CELF5: variants seen among roughly 807,000 people sequenced by gnomAD.
The protein encoded by CELF5 is CUGBP Elav-like family member 5, also known as CUG-BP and ETR-3 like factor 5.
CELF5 carries 6 observed loss-of-function variants against 54.9 expected under a neutral mutation model. That is an observed-to-expected ratio of 0.11 (90% CI 0.06 to 0.22). The LOEUF is 0.22. CELF5 is among the 10% of genes least tolerant of loss of function. The pLI is 1.00. For synonymous variants in CELF5, 271 were observed against 290.9 expected (o/e 0.93, Z 0.70); for missense variants, 401 against 678.6 (o/e 0.59, Z 4.54).
In CELF5 at chr19:3,271,505, G is replaced by T. The variant is rs1048290392; in HGVS notation, c.343-2367G>T. Among the ~76,000 whole-genome samples, 5 of 152,220 alleles carry T rather than the reference G, an allele frequency of 3.3e-5. No homozygotes were observed. In the South Asian group the frequency reaches 8.3e-4, roughly 25 times the overall value. ...GGCGGCAGGAAGGTTGGGCTGGGAG[G>T]ATTGGGGGCACAGGATCAGGGAGGC... On this transcript the variant is annotated intron_variant, in intron 2 of 12. Coordinates refer to ENST00000292672, the MANE Select transcript of CELF5 (RefSeq NM_021938.4).
At chr19:3,269,876 T>G (rs2079933867) in intron 2 of CELF5, among the ~76,000 whole-genome samples, 1 of 152,028 alleles carries the variant, frequency 6.6e-6, no homozygotes, top group Admixed American at 6.6e-5. Flanking sequence ...CGATCCTCCC[T>G]CCTTGGCCTC....
chr19:3,248,842 TTTTC>T (rs202104584), intron 1 of CELF5, among the ~76,000 whole-genome samples: 3,430 of 145,606 alleles, frequency 0.024, 62 homozygotes, highest in Non-Finnish European at 0.027. Context: ...CTACAAACTT[TTTTC>T]TTTCTTTCTT....
rs755748843 is a variant in CELF5, at chr19:3,275,962, G to A, written c.501G>A (p.Arg167=). Residue 167 remains arginine, a synonymous_variant, in exon 4 of 13, where the codon CGG becomes CGA. Coordinates refer to ENST00000292672, the MANE Select transcript of CELF5 (RefSeq NM_021938.4). This position sits in a 1 kb window ranked among gnomAD's most constrained non-coding sequence, Gnocchi z 6.7. ...FGVIDECTVL[R]GPDGSSKGCA... ...TCATTGACGAGTGCACCGTGCTCCG[G>A]GGGCCTGACGGCAGCAGCAAAGGTG... is the stretch of plus-strand genomic sequence containing the variant. The A allele has an allele frequency of 2.7e-5, 44 of 1,610,612 alleles. No individual in the cohort carries two copies. Among genetic ancestry groups the A allele is most frequent in the Middle Eastern group, 1.7e-4 (1 of 6,030 alleles).
At chr19:3,251,760 C>A (rs770362503) in intron 2 of CELF5, among the ~76,000 whole-genome samples, 16 of 150,750 alleles carry the variant, frequency 1.1e-4, no homozygotes, top group Admixed American at 4.0e-4. Context: ...CTGCAACCTC[C>A]GCCTCCCAGG....
At chr19:3,289,556 C>A (rs2080307764) in intron 10 of CELF5, among the ~76,000 whole-genome samples, 1 of 151,668 alleles carries the variant, frequency 6.6e-6, no homozygotes, top group South Asian at 2.1e-4. Flanking sequence ...GTGGTGGGCA[C>A]CTGTAGTCCC....
intron 10 of CELF5, among the ~76,000 whole-genome samples, chr19:3,287,007 C>A (rs370861677): frequency 6.8e-6 from 1 of 146,140 alleles, no homozygotes; most frequent in Non-Finnish European, 1.5e-5. Context: ...TGCACTCCAG[C>A]CTGGGCGACA....
intron 1 of CELF5, among the ~76,000 whole-genome samples, chr19:3,227,711 G>A (rs368514920): frequency 5.9e-4 from 90 of 152,182 alleles, no homozygotes; most frequent in African/African-American, 1.0e-3. Context: ...GGTGGGCTCC[G>A]AGTGACAGCG....
Position 3,247,829 on chromosome 19 carries a change from T to C in CELF5, c.260-3156T>C, listed in dbSNP as rs1030424812. ...CAGGCTGGAGTGCAGTGGCGTGATC[T>C]TGGCTCATTGCAAACTCTGCCGCCC... On this transcript the variant is annotated intron_variant, in intron 1 of 12. Transcript: ENST00000292672. Among the ~76,000 whole-genome samples the C allele has an allele frequency of 4.6e-5, 7 of 151,540 alleles. 1 individual carries two copies. Among genetic ancestry groups the C allele is most frequent in the Non-Finnish European group, 2.9e-5 (2 of 67,838 alleles).
chr19:3,273,422 C>T (rs1289469389), intron 2 of CELF5, among the ~76,000 whole-genome samples: 1 of 151,910 alleles, frequency 6.6e-6, no homozygotes, highest in Non-Finnish European at 1.5e-5. Context: ...CTCAGAGTTC[C>T]AAGAGTGGAA....
intron 1 of CELF5, among the ~76,000 whole-genome samples, chr19:3,229,927 A>G (rs1286927762): frequency 6.6e-6 from 1 of 152,014 alleles, no homozygotes; most frequent in East Asian, 1.9e-4. Context: ...CCCTTCTTCT[A>G]TGGGGCTCAC....
At position 3,224,704 on chromosome 19, in the gene CELF5, C is replaced by T; in HGVS notation, c.-36C>T. On this transcript the variant is annotated 5_prime_UTR_variant, in exon 1 of 13. Coordinates refer to ENST00000292672, the MANE Select transcript of CELF5 (RefSeq NM_021938.4). ...TCCAGCTGCGAGTCCGCCCGCCGCC[C>T]GCCGCCGCCGCCGCCGGCTCGGTCC... The T allele has an allele frequency of 1.0e-6, 1 of 967,950 alleles. No individual in the cohort carries two copies. The highest frequency in any genetic ancestry group is 4.7e-5 in the South Asian group (1 of 21,450). 60.0% of individuals were successfully genotyped at this position (967,950 alleles called of 1,614,324 possible). A position where few individuals can be genotyped will look rare whatever the true frequency, so the allele number is the denominator to read the frequency against.
chr19:3,257,599 C>A (rs2079746643), intron 2 of CELF5, among the ~76,000 whole-genome samples: 2 of 151,128 alleles, frequency 1.3e-5, no homozygotes, highest in African/African-American at 2.4e-5. Flanking sequence ...CCTCAGCCTC[C>A]CGAGTAGCTG....
intron 12 of CELF5, chr19:3,294,975 G>C (rs1348122648): frequency 1.3e-5 from 2 of 152,248 alleles, no homozygotes; most frequent in Non-Finnish European, 2.9e-5. Flanking sequence ...GGGTGGAGTA[G>C]GGTGGGGAGG....
intron 2 of CELF5, among the ~76,000 whole-genome samples, chr19:3,263,969 A>C (rs1364862244): frequency 2.6e-5 from 4 of 152,212 alleles, no homozygotes; most frequent in Admixed American, 2.6e-4. Flanking sequence ...AAGTGCATGA[A>C]ACATAAATAC....
In CELF5 at chr19:3,297,002, C is replaced by T. The variant is rs1335307352; in HGVS notation, c.*285C>T. 1 of 122,036 alleles carries T rather than the reference C, an allele frequency of 8.2e-6. No homozygotes were observed. Among genetic ancestry groups the T allele is most frequent in the African/African-American group, 3.1e-5 (1 of 31,864 alleles). The allele number at this position is 122,036 out of a possible 1,614,324, so 7.6% of individuals were successfully genotyped here. The stretch of plus-strand genomic sequence containing the variant: ...AAGCGTCTTAATGTTCAAAACGCCT[C>T]TCTTTGGTCTGGAGAAAAAAAAAAA... On this transcript the variant is annotated 3_prime_UTR_variant, in exon 13 of 13. Transcript: ENST00000292672.
chr19:3,295,987 C>A (rs2080435735), intron 12 of CELF5: 3 of 152,222 alleles, frequency 2.0e-5, no homozygotes, highest in Admixed American at 2.0e-4. Flanking sequence ...AGCGGAAGAC[C>A]CTACCCGGAC....
chr19:3,284,998 T>TGGCCCCGCCCCCACCCAG, intron 9 of CELF5, 34 bp downstream of exon 9: 3 of 1,504,258 alleles, frequency 2.0e-6, no homozygotes, highest in Non-Finnish European at 2.7e-6. Context: ...CGCTGGGCCC[T>TGGCCCCGCCCCCACCCAG]GGCCCCGCCC....
chr19:3,267,767 C>G (rs1455437727), intron 2 of CELF5, among the ~76,000 whole-genome samples: 1 of 151,628 alleles, frequency 6.6e-6, no homozygotes, highest in Non-Finnish European at 1.5e-5. Context: ...TGGCAGCTGC[C>G]TTGAGTAATG....
In CELF5 at chr19:3,290,960, A is replaced by G. The variant is rs114386252; in HGVS notation, c.1330+586A>G. ...AACATAATGAGACCCCGTGTTTACA[A>G]AAGACAACCTTTTTAATTAGCTGAG... On this transcript the variant is annotated intron_variant, in intron 11 of 12. Transcript: ENST00000292672. Among the ~76,000 whole-genome samples the G allele has an allele frequency of 6.6e-3, 999 of 151,888 alleles. 7 individuals carry two copies. Among genetic ancestry groups the G allele is most frequent in the African/African-American group, 0.023 (940 of 41,468 alleles).
Sources: gnomAD v4.1 joint callset for allele counts (sites outside exome capture counted in the v4.1 genomes callset) on GRCh38, gnomAD v4.1.1 for gene constraint, Gnocchi (gnomAD v3.1) non-coding constraint, MANE v1.5 for transcripts, NCBI Gene and HGNC (gene_info 2026-07-23, HGNC 2026-07-21) for gene names.